The following ARFGEF3 variants were observed in gnomAD, a reference collection of about 807,000 sequenced individuals.
ARFGEF3 encodes the protein ARFGEF family member 3.
Under a neutral mutation model 221.7 loss-of-function variants are expected in ARFGEF3, and 96 were observed. The ratio of observed to expected loss-of-function variants is 0.43; its 90% CI spans 0.37 to 0.51. ARFGEF3 has a LOEUF of 0.51. Among genes scored for constraint, ARFGEF3 ranks in the 20% least tolerant of loss-of-function variants. ARFGEF3 has a pLI of 0.00. For synonymous variants in ARFGEF3, 1,145 were observed against 1,126.8 expected (o/e 1.02, Z -0.32); for missense variants, 2,410 against 2,789.9 (o/e 0.86, Z 3.07).
chr6:138,239,446 G>C (rs1270423954), intron 6 of ARFGEF3, among the ~76,000 whole-genome samples: 1 of 151,986 alleles, frequency 6.6e-6, no homozygotes, highest in Non-Finnish European at 1.5e-5. Context: ...TTAGGAGTTT[G>C]AGACCAGCCT....
In ARFGEF3 at chr6:138,299,088, C is replaced by T. The variant is rs889441561; in HGVS notation, c.3828+303C>T. On this transcript the variant is annotated intron_variant, in intron 22 of 33. Transcript: ENST00000251691. The stretch of plus-strand genomic sequence containing the variant: ...TGTTGCACGCCTGTAACCCCAGCTA[C>T]TCAGGAGGCTAAGGCAGGAGAATCG... Among the ~76,000 whole-genome samples the T allele has an allele frequency of 2.0e-5, 3 of 149,926 alleles. No homozygotes were observed. The Admixed American group carries it at 2.0e-4, about 10-fold the overall frequency.
intron 4 of ARFGEF3, chr6:138,215,844 GTGT>G (rs1562356279): frequency 1.5e-3 from 16 of 10,886 alleles, no homozygotes; most frequent in African/African-American, 2.7e-3. Flanking sequence ...TCGGTCTGGT[GTGT>G]GTGTGTGTGT....
chr6:138,236,746 G>A (rs762150960), intron 5 of ARFGEF3, among the ~76,000 whole-genome samples: 1 of 152,178 alleles, frequency 6.6e-6, no homozygotes, highest in Non-Finnish European at 1.5e-5. Context: ...TAGGATTACA[G>A]GTGTGAGCCA....
At chr6:138,195,759 A>G (rs1261721016) in intron 2 of ARFGEF3, among the ~76,000 whole-genome samples, 1 of 152,180 alleles carries the variant, frequency 6.6e-6, no homozygotes, top group Non-Finnish European at 1.5e-5. Context: ...AAGGCATACC[A>G]ATATTTTAAT....
At chr6:138,219,779 T>C (rs772341272) in intron 4 of ARFGEF3, among the ~76,000 whole-genome samples, 2 of 151,838 alleles carry the variant, frequency 1.3e-5, no homozygotes, top group African/African-American at 2.4e-5. Flanking sequence ...TATTTAAATT[T>C]TGACATAGAT....
intron 26 of ARFGEF3, among the ~76,000 whole-genome samples, chr6:138,314,829 GATC>G (rs1190249923): frequency 2.6e-5 from 4 of 152,180 alleles, no homozygotes; most frequent in Non-Finnish European, 5.9e-5. Flanking sequence ...CCGTAGCATA[GATC>G]ATAAGAATGA....
chr6:138,237,737 G>T (rs891326455), intron 5 of ARFGEF3, among the ~76,000 whole-genome samples: 1 of 152,072 alleles, frequency 6.6e-6, no homozygotes. Context: ...AAATGACAGC[G>T]TAGGTGCAAG....
At chr6:138,232,328 G>A (rs571845790) in intron 5 of ARFGEF3, among the ~76,000 whole-genome samples, 1 of 152,332 alleles carries the variant, frequency 6.6e-6, no homozygotes, top group African/African-American at 2.4e-5. Context: ...CCAACATGGG[G>A]AAACCCCATC....
intron 12 of ARFGEF3, among the ~76,000 whole-genome samples, chr6:138,277,352 T>G (rs957612636): frequency 6.6e-6 from 1 of 152,254 alleles, no homozygotes; most frequent in Non-Finnish European, 1.5e-5. Flanking sequence ...TACCACAATT[T>G]GCTTATCCAT....
chr6:138,185,837 C>A (rs565035580), intron 2 of ARFGEF3, among the ~76,000 whole-genome samples: 1 of 152,122 alleles, frequency 6.6e-6, no homozygotes, highest in African/African-American at 2.4e-5. Context: ...CATGAGTGAC[C>A]CCCAGTAATG....
At position 138,336,579 on chromosome 6, in the gene ARFGEF3, C is replaced by T; in HGVS notation, c.*93C>T. On this transcript the variant is annotated 3_prime_UTR_variant, in exon 34 of 34. Transcript: ENST00000251691. ...TGCATTTTCCCCACCACTAGCCCCA[C>T]TTAAACTACTACTACTGTCTCAGAG... The T allele has an allele frequency of 1.0e-6, 1 of 984,760 alleles. No individual in the cohort carries two copies. Among genetic ancestry groups the T allele is most frequent in the South Asian group, 1.8e-5 (1 of 55,680 alleles). 61.0% of individuals were successfully genotyped at this position (984,760 alleles called of 1,614,324 possible). A position where few individuals can be genotyped will look rare whatever the true frequency, so the allele number is the denominator to read the frequency against.
intron 5 of ARFGEF3, among the ~76,000 whole-genome samples, chr6:138,235,959 A>G (rs2114542935): frequency 6.6e-6 from 1 of 152,332 alleles, no homozygotes; most frequent in African/African-American, 2.4e-5. Flanking sequence ...AGTCATATCC[A>G]GTAGTATATG....
intron 2 of ARFGEF3, among the ~76,000 whole-genome samples, chr6:138,171,674 G>T (rs1397018021): frequency 6.6e-6 from 1 of 152,080 alleles, no homozygotes; most frequent in Admixed American, 6.5e-5. Context: ...ACTGATAACA[G>T]TTTAATAGAT....
At chr6:138,228,012 T>A (rs986540435) in intron 4 of ARFGEF3, among the ~76,000 whole-genome samples, 1 of 152,124 alleles carries the variant, frequency 6.6e-6, no homozygotes, top group African/African-American at 2.4e-5. Flanking sequence ...AAGCCCAGGG[T>A]AGGTCCTGGT....
At chr6:138,300,750 G>A (rs570897244) in intron 22 of ARFGEF3, among the ~76,000 whole-genome samples, 251 of 152,252 alleles carry the variant, frequency 1.6e-3, no homozygotes, top group African/African-American at 5.9e-3. Flanking sequence ...TAACTTCCTC[G>A]CATCTTGAGT....
chr6:138,212,518 A>G (rs907980328), intron 4 of ARFGEF3, among the ~76,000 whole-genome samples: 1 of 152,228 alleles, frequency 6.6e-6, no homozygotes, highest in Non-Finnish European at 1.5e-5. Context: ...CCATTATCCC[A>G]TTACTGGATA....
In ARFGEF3 at chr6:138,162,946, A is replaced by G. The variant is rs1226454723; in HGVS notation, c.85+775A>G. Among the ~76,000 whole-genome samples, 5 of 152,228 alleles carry G rather than the reference A, an allele frequency of 3.3e-5. No homozygotes were observed. In the South Asian group the frequency reaches 6.2e-4, roughly 19 times the overall value. ...GATGGTGATGCTTTTTAGAAAGGAA[A>G]GGCCAAGAAGAAGCCAGCGCAGCTA... is the stretch of plus-strand genomic sequence containing the variant. On this transcript the variant is annotated intron_variant, in intron 1 of 33. Coordinates refer to ENST00000251691, the MANE Select transcript of ARFGEF3 (RefSeq NM_020340.5). The surrounding 1 kb of genome is among the most constrained non-coding windows in gnomAD (Gnocchi z 4.7).
rs774554384 is a variant in ARFGEF3, at chr6:138,242,974, C to T, written c.566C>T (p.Pro189Leu). ...ENTIIENPDV[P>L]QDFGNQGSTV... is the part of the protein sequence containing the mutation. Reference sequence around the variant, plus strand: ...TAGATAATTGAAAACCCAGATGTCCCACAGGATTTCGGGAATCAAGGTATG... The same window carrying T: ...TAGATAATTGAAAACCCAGATGTCCTACAGGATTTCGGGAATCAAGGTATG... The change falls in exon 7 of 34, where the codon CCA becomes CTA. Residue 189 changes from proline (P) to leucine (L), a missense_variant. Pro to Leu is a moderately conservative substitution (Grantham distance 98, BLOSUM62 -3). Transcript: ENST00000251691. 16 of 1,612,336 alleles carry T rather than the reference C, an allele frequency of 9.9e-6. 1 individual carries two copies. In the South Asian group the frequency reaches 1.8e-4, roughly 18 times the overall value.
chr6:138,299,505 A>ATCTC (rs1197051666), intron 22 of ARFGEF3, among the ~76,000 whole-genome samples: 2 of 152,120 alleles, frequency 1.3e-5, no homozygotes, highest in African/African-American at 4.8e-5. Flanking sequence ...GAAATACAGG[A>ATCTC]TCTCTCTCTC....
Sources: allele counts gnomAD v4.1 joint callset (sites outside exome capture counted in the v4.1 genomes callset), GRCh38; gene constraint gnomAD v4.1.1; non-coding constraint Gnocchi (gnomAD v3.1); transcripts MANE v1.5; gene names NCBI Gene and HGNC (gene_info 2026-07-23, HGNC 2026-07-21).